Variants in MTMR8 observed in about 807,000 individuals in gnomAD.
MTMR8 encodes the protein phosphatidylinositol-3,5-bisphosphate 3-phosphatase MTMR8.
A neutral mutation model predicts 39.3 loss-of-function variants in MTMR8; 65 were observed. The observed-to-expected ratio is 1.65, with a 90% CI of 1.35 to 2.03. The LOEUF (loss-of-function observed/expected upper bound fraction) is 2.03, where lower values mean the gene tolerates loss of function less well. Ranked by LOEUF, MTMR8 falls within the 30% of genes most tolerant of loss-of-function variation. The pLI is 0.00. For missense variants in MTMR8, 777 were observed against 538.9 expected, an observed-to-expected ratio of 1.44 and a Z score of -4.37; for synonymous variants, 245 against 185.2, an observed-to-expected ratio of 1.32 and a Z score of -2.62.
At chrX:64,320,773 A>G (rs113363350) in intron 12 of MTMR8, among the ~76,000 whole-genome samples, 9,213 of 111,091 alleles carry the variant, frequency 0.083, 1,024 homozygotes, top group African/African-American at 0.29. Context: ...ATGTGAAAAG[A>G]CCCTAAGCTT....
At chrX:64,363,651 G>A (rs1034570158) in intron 1 of MTMR8, among the ~76,000 whole-genome samples, 1 of 112,004 alleles carries the variant, frequency 8.9e-6, no homozygotes, top group East Asian at 2.8e-4. Context: ...AACAGCTACA[G>A]TCTGCAGCTC....
intron 12 of MTMR8, among the ~76,000 whole-genome samples, chrX:64,324,038 A>G (rs1214473491): frequency 1.8e-5 from 2 of 112,889 alleles, no homozygotes; most frequent in South Asian, 7.1e-4. Context: ...ACCTAAAACT[A>G]GTAAAAGGAA....
At position 64,345,244 on chromosome X, in the gene MTMR8, C is replaced by T. The variant is rs1923321014; in HGVS notation, c.733-67G>A. 10 of 1,071,804 alleles carry T rather than the reference C, an allele frequency of 9.3e-6. No individual in the cohort carries two copies. The South Asian group carries it at 1.4e-4, about 15-fold the overall frequency. 88.3% of individuals were successfully genotyped at this position (1,071,804 alleles called of 1,213,427 possible). A position where few individuals can be genotyped will look rare whatever the true frequency, so the allele number is the denominator to read the frequency against. ...ATGAAAGAATGGAGTTCATCAATCTCAATGCCTCATTCTGAACCGTTTAAA... is the reference window on the plus strand; with the variant it reads ...ATGAAAGAATGGAGTTCATCAATCTTAATGCCTCATTCTGAACCGTTTAAA... On this transcript the variant is annotated intron_variant, in intron 6 of 13. Coordinates refer to ENST00000374852, the MANE Select transcript of MTMR8 (RefSeq NM_017677.4).
chrX:64,299,495 A>G (rs1367651838), intron 12 of MTMR8, among the ~76,000 whole-genome samples: 1,208 of 99,733 alleles, frequency 0.012, 9 homozygotes, highest in Middle Eastern at 0.03. Context: ...TCTTGCTAGC[A>G]GTCTATCAAT....
At chrX:64,297,085 G>A (rs1179271048) in intron 12 of MTMR8, among the ~76,000 whole-genome samples, 1 of 89,277 alleles carries the variant, frequency 1.1e-5, no homozygotes, top group African/African-American at 4.2e-5. Flanking sequence ...TAGTCCTTTG[G>A]GTATATACCC....
intron 1 of MTMR8, among the ~76,000 whole-genome samples, chrX:64,384,546 A>G (rs2080073919): frequency 8.9e-6 from 1 of 112,289 alleles, no homozygotes; most frequent in Admixed American, 9.4e-5. Context: ...ATATAGGCAG[A>G]GGCCCCCAAG....
intron 12 of MTMR8, among the ~76,000 whole-genome samples, chrX:64,312,579 C>T (rs373543326): frequency 2.0e-4 from 22 of 112,230 alleles, no homozygotes; most frequent in Admixed American, 1.4e-3. Flanking sequence ...TTAGAAAACC[C>T]CATTGTCTCC....
At chrX:64,270,882 C>T in intron 13 of MTMR8, 65 bp downstream of exon 13, 1 of 1,145,657 alleles carries the variant, frequency 8.7e-7, no homozygotes, top group Non-Finnish European at 1.2e-6. Flanking sequence ...ATCAATTCAA[C>T]TCCAAGCAGG....
intron 1 of MTMR8, among the ~76,000 whole-genome samples, chrX:64,375,262 G>A (rs1924239354): frequency 1.8e-5 from 2 of 109,426 alleles, no homozygotes; most frequent in African/African-American, 3.3e-5. Flanking sequence ...TGAGGAGGTG[G>A]GAGGATTGCC....
intron 8 of MTMR8, among the ~76,000 whole-genome samples, chrX:64,342,292 A>G (rs1379029585): frequency 1.8e-5 from 2 of 112,483 alleles, no homozygotes; most frequent in Non-Finnish European, 3.8e-5. Context: ...TTTGAGAAAC[A>G]CTTTTGAAGC....
intron 12 of MTMR8, among the ~76,000 whole-genome samples, chrX:64,309,527 T>C (rs1470040814): frequency 1.8e-5 from 2 of 112,032 alleles, no homozygotes; most frequent in Admixed American, 1.9e-4. Context: ...AACAATCATG[T>C]CATCTGCAAA....
At chrX:64,285,472 C>A (rs1188150467) in intron 12 of MTMR8, among the ~76,000 whole-genome samples, 3 of 111,458 alleles carry the variant, frequency 2.7e-5, no homozygotes, top group Non-Finnish European at 3.8e-5. Flanking sequence ...ACCAAGCAGA[C>A]CTAATAGACA....
chrX:64,380,459 T>A (rs754739753), intron 1 of MTMR8, among the ~76,000 whole-genome samples: 1 of 112,615 alleles, frequency 8.9e-6, no homozygotes, highest in African/African-American at 3.2e-5. Context: ...AGGTGAGGCA[T>A]TTAAATATTT....
intron 12 of MTMR8, among the ~76,000 whole-genome samples, chrX:64,282,268 C>T (rs181230283): frequency 9.0e-6 from 1 of 111,127 alleles, no homozygotes; most frequent in Non-Finnish European, 1.9e-5. Context: ...GATATAAGCA[C>T]ACATATGTTT....
At chrX:64,387,588 T>A (rs1343503845) in intron 1 of MTMR8, among the ~76,000 whole-genome samples, 1 of 109,584 alleles carries the variant, frequency 9.1e-6, no homozygotes, top group Non-Finnish European at 1.9e-5. Context: ...CAGGGCCCCA[T>A]CTGTTTCTGA....
chrX:64,324,349 G>A (rs1922730974), intron 12 of MTMR8, among the ~76,000 whole-genome samples: 1 of 111,508 alleles, frequency 9.0e-6, no homozygotes, highest in African/African-American at 3.3e-5. Context: ...TAAACAGAGT[G>A]AGATCATATC....
At chrX:64,292,816 G>A (rs919935402) in intron 12 of MTMR8, among the ~76,000 whole-genome samples, 7 of 111,118 alleles carry the variant, frequency 6.3e-5, no homozygotes, top group Non-Finnish European at 1.9e-5. Flanking sequence ...TTAAACAATT[G>A]GCTGCCATAG....
chrX:64,380,625 G>A (rs1311093566), intron 1 of MTMR8, among the ~76,000 whole-genome samples: 1 of 112,402 alleles, frequency 8.9e-6, no homozygotes. Context: ...TTAAGTTTTA[G>A]GGTACATGTG....
chrX:64,332,512 G>A (rs1922969470), intron 10 of MTMR8, among the ~76,000 whole-genome samples: 1 of 111,881 alleles, frequency 8.9e-6, no homozygotes, highest in African/African-American at 3.2e-5. Flanking sequence ...AAGCAGAGGT[G>A]GGTTTAGCTT....
Sources: allele counts gnomAD v4.1 joint callset (sites outside exome capture counted in the v4.1 genomes callset), GRCh38; gene constraint gnomAD v4.1.1; transcripts MANE v1.5; gene names NCBI Gene and HGNC (gene_info 2026-07-23, HGNC 2026-07-21).